The following MYO5B variants were observed in gnomAD, a reference collection of about 807,000 sequenced individuals.
MYO5B encodes unconventional myosin-Vb.
MYO5B carries 143 observed loss-of-function variants against 229.3 expected under a neutral mutation model. The observed-to-expected ratio is 0.62, with a 90% CI of 0.54 to 0.72. MYO5B has a LOEUF of 0.72. MYO5B is among the 30% of genes least tolerant of loss of function. MYO5B has a pLI of 0.00. For missense variants in MYO5B, 2,321 were observed against 2,331.0 expected (o/e 1.00, Z 0.09); for synonymous variants, 918 against 885.2 (o/e 1.04, Z -0.66).
chr18:49,899,688 A>G (rs1393859880), intron 21 of MYO5B, among the ~76,000 whole-genome samples: 1 of 152,220 alleles, frequency 6.6e-6, no homozygotes, highest in African/African-American at 2.4e-5. Context: ...AAATGGGAAT[A>G]ATATTAATGT....
intron 1 of MYO5B, among the ~76,000 whole-genome samples, chr18:50,181,536 CCAGA>C (rs1321837001): frequency 6.6e-6 from 1 of 152,206 alleles, no homozygotes; most frequent in East Asian, 1.9e-4. Flanking sequence ...AGCCTATCTT[CCAGA>C]CAAAGATATT....
At chr18:49,931,557 G>C (rs1267668487) in intron 16 of MYO5B, among the ~76,000 whole-genome samples, 1 of 152,192 alleles carries the variant, frequency 6.6e-6, no homozygotes, top group Non-Finnish European at 1.5e-5. Context: ...GGGCCTTACA[G>C]GACAGCAGGG....
chr18:50,154,876 C>G (rs550695009), intron 1 of MYO5B, among the ~76,000 whole-genome samples: 5 of 152,284 alleles, frequency 3.3e-5, no homozygotes, highest in African/African-American at 1.2e-4. Flanking sequence ...TGCTGGAGTC[C>G]TACCTGACAT....
chr18:50,117,732 C>T (rs997474483), intron 1 of MYO5B, among the ~76,000 whole-genome samples: 1 of 152,148 alleles, frequency 6.6e-6, no homozygotes, highest in Non-Finnish European at 1.5e-5. Flanking sequence ...CAAACAGCTT[C>T]CCAGCTTCGG....
intron 4 of MYO5B, 147 bp downstream of exon 4, chr18:50,036,700 CAGT>C (rs2026451897): frequency 6.0e-6 from 5 of 834,920 alleles, no homozygotes; most frequent in Non-Finnish European, 7.9e-6. Flanking sequence ...ATGAGGTAGG[CAGT>C]AGAACTTGGG....
At chr18:50,060,327 C>A (rs2666925) in intron 1 of MYO5B, among the ~76,000 whole-genome samples, 146,822 of 152,258 alleles carry the variant, frequency 0.96, 71,012 homozygotes, top group East Asian at 1. Context: ...TATGAGCCAG[C>A]CAAACTCTCT....
At chr18:49,942,666 T>A (rs943027685) in intron 14 of MYO5B, among the ~76,000 whole-genome samples, 2 of 151,686 alleles carry the variant, frequency 1.3e-5, no homozygotes, top group African/African-American at 4.8e-5. Flanking sequence ...CACAATGAGA[T>A]ACCATCTCAC....
Position 49,937,282 on chromosome 18 carries a change from A to G in MYO5B, c.1868T>C (p.Val623Ala). ...SVRSARPPMK[V>A]SNKEHKKTVG... Reference sequence around the variant, plus strand: ...GGTTTTCTTGTGCTCCTTGTTGGAGACTTTCATGGGGGGTCTGGCAGAACG... The same window carrying G: ...GGTTTTCTTGTGCTCCTTGTTGGAGGCTTTCATGGGGGGTCTGGCAGAACG... The change falls in exon 15 of 40, where the codon GTC (valine) becomes GCC (alanine). Residue 623 changes from valine to alanine, a missense_variant. Transcript: ENST00000285039. 6.2e-7 allele frequency: 1 copy of G among 1,613,918 alleles called. No individual in the cohort carries two copies. The highest frequency in any genetic ancestry group is 8.5e-7 in the Non-Finnish European group (1 of 1,179,988).
intron 20 of MYO5B, 119 bp from the exon 21 acceptor site, chr18:49,902,952 A>ACAG (rs1240907970): frequency 1.4e-5 from 18 of 1,283,626 alleles, no homozygotes; most frequent in Non-Finnish European, 1.7e-5. Context: ...TAGGAGTTAC[A>ACAG]CAGACAATGT....
intron 25 of MYO5B, chr18:49,876,381 TG>T (rs1232473997): frequency 8.3e-6 from 2 of 239,802 alleles, no homozygotes; most frequent in African/African-American, 4.6e-5. Context: ...TGCCTGAGTT[TG>T]CCCTCCAGGA....
intron 1 of MYO5B, among the ~76,000 whole-genome samples, chr18:50,166,053 C>T (rs2032846505): frequency 6.6e-6 from 1 of 152,190 alleles, no homozygotes; most frequent in South Asian, 2.1e-4. Context: ...AACCTTGTTC[C>T]TGTCCTCCTT....
chr18:49,899,816 G>T (rs533342678), intron 21 of MYO5B, among the ~76,000 whole-genome samples: 1 of 152,288 alleles, frequency 6.6e-6, no homozygotes, highest in Admixed American at 6.5e-5. Flanking sequence ...CACTCCTCCC[G>T]TCTTTTCTGA....
intron 22 of MYO5B, among the ~76,000 whole-genome samples, chr18:49,882,592 C>T (rs1350534850): frequency 7.3e-6 from 1 of 137,170 alleles, no homozygotes; most frequent in Admixed American, 7.9e-5. Context: ...CGTGCCACAG[C>T]ACTCCAGCCT....
At chr18:49,964,794 T>C in intron 10 of MYO5B, among the ~76,000 whole-genome samples, 1 of 152,220 alleles carries the variant, frequency 6.6e-6, no homozygotes. Flanking sequence ...ATATCAACAC[T>C]ATCATTCATT....
intron 14 of MYO5B, among the ~76,000 whole-genome samples, chr18:49,945,994 T>C (rs2025368289): frequency 6.6e-6 from 1 of 152,190 alleles, no homozygotes; most frequent in Admixed American, 6.5e-5. Context: ...ATTCATATAC[T>C]TTCTGAAGTG....
rs538187901 is a variant in MYO5B at position 49,933,034 on chromosome 18, C to A, written c.2003+3218G>T. On this transcript the variant is annotated intron_variant, in intron 16 of 39. Coordinates refer to ENST00000285039, the MANE Select transcript of MYO5B (RefSeq NM_001080467.3). ...CCTCTCCCAATAGGATTAGCAGACC[C>A]TGGAGCCTGCTGGATGCAAAGAGAG... Among the ~76,000 whole-genome samples the A allele has an allele frequency of 2.6e-5, 4 of 152,328 alleles. No individual in the cohort carries two copies. In the South Asian group the frequency reaches 8.3e-4, roughly 32 times the overall value.
intron 39 of MYO5B, among the ~76,000 whole-genome samples, chr18:49,828,823 G>A (rs2144016738): frequency 6.6e-6 from 1 of 151,864 alleles, no homozygotes; most frequent in African/African-American, 2.4e-5. Context: ...ATCACAGGGG[G>A]AATTAGGCAA....
intron 4 of MYO5B, among the ~76,000 whole-genome samples, chr18:50,028,657 A>C (rs907326072): frequency 1.3e-5 from 2 of 152,216 alleles, no homozygotes; most frequent in South Asian, 2.1e-4. Flanking sequence ...CTGACAATGA[A>C]AGCTGTTAAA....
At chr18:50,046,114 A>C (rs1188012595) in intron 2 of MYO5B, among the ~76,000 whole-genome samples, 1 of 152,230 alleles carries the variant, frequency 6.6e-6, no homozygotes, top group Non-Finnish European at 1.5e-5. Context: ...ATATGCTAGT[A>C]AAAACAGGGT....
Sources: allele counts gnomAD v4.1 joint callset (sites outside exome capture counted in the v4.1 genomes callset), GRCh38; gene constraint gnomAD v4.1.1; transcripts MANE v1.5; gene names NCBI Gene and HGNC (gene_info 2026-07-23, HGNC 2026-07-21).